GREB1L: variants seen among roughly 807,000 people sequenced by gnomAD.
The protein encoded by GREB1L is GREB1 like retinoic acid receptor coactivator.
GREB1L carries 17 observed loss-of-function variants against 200.8 expected under a neutral mutation model. The ratio of observed to expected loss-of-function variants is 0.08; its 90% CI spans 0.06 to 0.13. The LOEUF (loss-of-function observed/expected upper bound fraction) is 0.13. GREB1L is among the 10% of genes least tolerant of loss of function. GREB1L has a pLI of 1.00. For missense variants in GREB1L, 1,657 were observed against 2,367.7 expected (o/e 0.70, Z 6.23); for synonymous variants, 789 against 893.0 (o/e 0.88, Z 2.08).
intron 27 of GREB1L, among the ~76,000 whole-genome samples, chr18:21,511,675 T>C (rs1483161321): frequency 1.3e-5 from 2 of 152,200 alleles, no homozygotes; most frequent in Non-Finnish European, 2.9e-5. Flanking sequence ...GACAGGGTCT[T>C]GCTCTGTCAC....
At chr18:21,516,877 G>GTTTTTT in intron 30 of GREB1L, 123 bp downstream of exon 30, 24 of 495,184 alleles carry the variant, frequency 4.8e-5, no homozygotes, top group East Asian at 7.6e-5. Flanking sequence ...ACACAAGGGA[G>GTTTTTT]TTTTTTTTTT....
rs935888734 is a variant in GREB1L at position 21,384,507 on chromosome 18, C to T, written c.355+104C>T. The T allele has an allele frequency of 9.2e-5, 78 of 850,014 alleles. 1 individual carries two copies. In the East Asian group the frequency reaches 1.6e-3, roughly 18 times the overall value. 52.7% of individuals were successfully genotyped at this position (850,014 alleles called of 1,614,324 possible). A position where few individuals can be genotyped will look rare whatever the true frequency, so the allele number is the denominator to read the frequency against. On this transcript the variant is annotated intron_variant, in intron 4 of 32. Transcript: ENST00000424526. ...CTCAAGGCTGGAAACTAGTAATTATCGTATGGAGAGGAATGAGAAATGATT... is the reference window on the plus strand; with the variant it reads ...CTCAAGGCTGGAAACTAGTAATTATTGTATGGAGAGGAATGAGAAATGATT...
At chr18:21,451,216 C>A in intron 13 of GREB1L, 65 bp downstream of exon 13, 1 of 1,502,542 alleles carries the variant, frequency 6.7e-7, no homozygotes, top group Non-Finnish European at 9.0e-7. Flanking sequence ...GAGTTTAAAT[C>A]TTAGCCTGTC....
Position 21,440,276 on chromosome 18 carries a change from G to A in GREB1L, c.957G>A (p.Met319Ile). Reference protein sequence around the residue: ...PSYASGDQATMFISGPPKKRH... With the variant: ...PSYASGDQATIFISGPPKKRH... The stretch of plus-strand genomic sequence containing the variant: ...TTTTTTGTTTGTCTTCAGCTACCAT[G>A]TTCATTTCTGGGCCACCAAAGAAAC... The change falls in exon 9 of 33, where the codon ATG becomes ATA. Residue 319 changes from methionine (M) to isoleucine (I), a missense_variant. Physicochemically the swap from Met to Ile is conservative, Grantham distance 10. This residue lies in a region of GREB1L where 289 missense variants were observed against 345.1 expected (regional missense o/e 0.84). Coordinates refer to ENST00000424526, the MANE Select transcript of GREB1L (RefSeq NM_001142966.3). 1 of 1,551,358 alleles carries A rather than the reference G, an allele frequency of 6.4e-7. No homozygotes were observed. The highest frequency in any genetic ancestry group is 8.7e-7 in the Non-Finnish European group (1 of 1,146,890).
Position 21,500,143 on chromosome 18 carries a change from G to A in GREB1L, c.3806G>A (p.Arg1269Gln), listed in dbSNP as rs1176278321. 14 of 1,551,330 alleles carry A rather than the reference G, an allele frequency of 9.0e-6. No homozygotes were observed. The highest frequency in any genetic ancestry group is 2.0e-5 in the Admixed American group (1 of 50,986). Residue 1269 changes from arginine to glutamine, a missense_variant, in exon 22 of 33, where the codon CGG (arginine) becomes CAG (glutamine). By Grantham distance (43) the Arg-to-Gln change is conservative. This residue lies in a region of GREB1L where 512 missense variants were observed against 668.3 expected (regional missense o/e 0.77). Coordinates refer to ENST00000424526, the MANE Select transcript of GREB1L (RefSeq NM_001142966.3). The part of the protein sequence containing the change: ...HADVAWVSSL[R>Q]PLLNKDMSSE... The stretch of plus-strand genomic sequence containing the variant: ...GACGTGGCCTGGGTGAGCTCCCTGC[G>A]GCCACTCCTGAACAAGGACATGAGC...
At chr18:21,508,956 C>T (rs1371414539) in intron 27 of GREB1L, among the ~76,000 whole-genome samples, 1 of 152,104 alleles carries the variant, frequency 6.6e-6, no homozygotes. Flanking sequence ...GGAGAGGCAG[C>T]ATTAGTGGTT....
At chr18:21,451,296 C>A in intron 13 of GREB1L, 145 bp downstream of exon 13, 4 of 847,982 alleles carry the variant, frequency 4.7e-6, no homozygotes, top group Non-Finnish European at 7.1e-6. Context: ...AGTATTTTGT[C>A]ACTAACACCA....
intron 1 of GREB1L, among the ~76,000 whole-genome samples, chr18:21,358,102 T>C (rs1217805470): frequency 2.0e-5 from 3 of 152,218 alleles, no homozygotes; most frequent in African/African-American, 7.2e-5. Context: ...ACACAAGATA[T>C]CTTTCCATTT....
At chr18:21,477,491 G>A (rs2035747703) in intron 17 of GREB1L, 135 bp downstream of exon 17, 1 of 718,568 alleles carries the variant, frequency 1.4e-6, no homozygotes, top group Non-Finnish European at 2.0e-6. Context: ...CTTTATGTAA[G>A]AGTTCAAAAA....
At chr18:21,256,114 T>C (rs2037794825) in intron 1 of GREB1L, among the ~76,000 whole-genome samples, 1 of 152,212 alleles carries the variant, frequency 6.6e-6, no homozygotes, top group Admixed American at 6.5e-5. Flanking sequence ...TTTTAAAAAA[T>C]GGCTATTTTA....
In GREB1L at chr18:21,355,444, G is replaced by A. The variant is rs142942970; in HGVS notation, c.-119-10583G>A. ...CCTGACCTCGTGATCCACCTGCCTC[G>A]GCCTCCCAAAGTGCTGGGATTACAG... On this transcript the variant is annotated intron_variant, in intron 1 of 32. Transcript: ENST00000424526. Among the ~76,000 whole-genome samples, 786 of 152,046 alleles carry A rather than the reference G, an allele frequency of 5.2e-3. 4 individuals carry two copies. Among genetic ancestry groups the A allele is most frequent in the African/African-American group, 0.018 (746 of 41,452 alleles).
rs183574631 is a variant in GREB1L at position 21,296,176 on chromosome 18, A to G, written c.-120+53783A>G. The stretch of plus-strand genomic sequence containing the variant: ...AATAGCAAAGACATGGAATCAGCCT[A>G]GGTGTCTGCCAATCAGCAGTGGATT... On this transcript the variant is annotated intron_variant, in intron 1 of 32. Transcript: ENST00000424526. Among the ~76,000 whole-genome samples the G allele has an allele frequency of 1.6e-3, 241 of 152,326 alleles. 4 individuals carry two copies. The highest frequency in any genetic ancestry group is 5.6e-3 in the African/African-American group (234 of 41,578).
chr18:21,361,007 G>GT (rs2039572862), intron 1 of GREB1L, among the ~76,000 whole-genome samples: 1 of 152,172 alleles, frequency 6.6e-6, no homozygotes. Flanking sequence ...TTAAGTCGTG[G>GT]TGGTCTGTTA....
intron 1 of GREB1L, among the ~76,000 whole-genome samples, chr18:21,364,823 A>G (rs1302271798): frequency 6.6e-6 from 1 of 150,836 alleles, no homozygotes; most frequent in Admixed American, 6.6e-5. Flanking sequence ...AGCTATTGGA[A>G]TTAGATTACT....
intron 19 of GREB1L, among the ~76,000 whole-genome samples, chr18:21,492,790 A>G (rs1361860933): frequency 6.6e-6 from 1 of 152,106 alleles, no homozygotes; most frequent in Non-Finnish European, 1.5e-5. Flanking sequence ...TACGTATAAG[A>G]GTGTCCCATA....
chr18:21,397,081 G>T (rs1242703433), intron 5 of GREB1L, among the ~76,000 whole-genome samples: 1 of 152,116 alleles, frequency 6.6e-6, no homozygotes, highest in Non-Finnish European at 1.5e-5. Flanking sequence ...GCAATACACT[G>T]ATCAATAAGT....
intron 7 of GREB1L, among the ~76,000 whole-genome samples, chr18:21,430,553 A>T: frequency 5.9e-5 from 5 of 84,500 alleles, no homozygotes; most frequent in Admixed American, 1.2e-4. Flanking sequence ...TTGATTTGGG[A>T]TCACTCTTAA....
intron 1 of GREB1L, among the ~76,000 whole-genome samples, chr18:21,295,393 A>C (rs1488127696): frequency 6.6e-6 from 1 of 152,082 alleles, no homozygotes; most frequent in African/African-American, 2.4e-5. Context: ...TAGTGACTGG[A>C]CAGAGGCTTT....
chr18:21,341,775 G>A (rs1228083345), intron 1 of GREB1L, among the ~76,000 whole-genome samples: 6 of 152,142 alleles, frequency 3.9e-5, no homozygotes, highest in Non-Finnish European at 7.4e-5. Context: ...GAACACAAAT[G>A]AAGTCAAAGC....
Sources: gnomAD v4.1 joint callset for allele counts (sites outside exome capture counted in the v4.1 genomes callset) on GRCh38, gnomAD v4.1.1 for gene constraint, gnomAD v4.1.1 regional missense constraint, MANE v1.5 for transcripts, NCBI Gene and HGNC (gene_info 2026-07-23, HGNC 2026-07-21) for gene names.